Variants in PRKDC observed in about 807,000 individuals in gnomAD.
PRKDC encodes the protein DNA-dependent protein kinase catalytic subunit.
PRKDC carries 82 observed loss-of-function variants against 486.9 expected under a neutral mutation model. The ratio of observed to expected loss-of-function variants is 0.17; its 90% CI spans 0.14 to 0.20. PRKDC has a LOEUF of 0.20. Among genes scored for constraint, PRKDC ranks in the 10% least tolerant of loss-of-function variants. The pLI is 1.00. For synonymous variants in PRKDC, 1,895 were observed against 1,837.0 expected (o/e 1.03, Z -0.81); for missense variants, 4,504 against 5,038.2 (o/e 0.89, Z 3.21).
intron 40 of PRKDC, among the ~76,000 whole-genome samples, chr8:47,871,083 T>A (rs1477672582): frequency 2.0e-5 from 3 of 151,926 alleles, no homozygotes; most frequent in Non-Finnish European, 4.4e-5. Context: ...ACCTACAAGA[T>A]CTAGAAAAGA....
intron 38 of PRKDC, among the ~76,000 whole-genome samples, chr8:47,880,980 G>A (rs796834552): frequency 2.0e-5 from 3 of 151,772 alleles, no homozygotes; most frequent in African/African-American, 7.3e-5. Context: ...CCAAGAGGCG[G>A]AGGTTGCAGT....
Position 47,773,701 on chromosome 8 carries a change from T to C in PRKDC, c.*472A>G, listed in dbSNP as rs954627860. 7.5e-5 allele frequency: 17 copies of C among 226,120 alleles called. No homozygotes were observed. Among genetic ancestry groups the C allele is most frequent in the African/African-American group, 3.6e-4 (16 of 44,976 alleles). 14.0% of individuals were successfully genotyped at this position (226,120 alleles called of 1,614,324 possible). A position where few individuals can be genotyped will look rare whatever the true frequency, so the allele number is the denominator to read the frequency against. On this transcript the variant is annotated 3_prime_UTR_variant, in exon 86 of 86. Coordinates refer to ENST00000314191, the MANE Select transcript of PRKDC (RefSeq NM_006904.7). The stretch of plus-strand genomic sequence containing the variant: ...CTTTACCTATTGTTCTTATTGTTCC[T>C]ATGCTGCTTCTACAATGTTACATCA...
At chr8:47,954,790 G>A (rs2090675914) in intron 4 of PRKDC, among the ~76,000 whole-genome samples, 2 of 152,132 alleles carry the variant, frequency 1.3e-5, no homozygotes, top group South Asian at 4.1e-4. Flanking sequence ...AGAAACAAAG[G>A]AATTCTAAAA....
Position 47,841,587 on chromosome 8 carries a change from C to T in PRKDC, c.7281-1398G>A, listed in dbSNP as rs191439199. Among the ~76,000 whole-genome samples the T allele has an allele frequency of 6.2e-4, 95 of 152,318 alleles. No individual in the cohort carries two copies. In the Middle Eastern group the frequency reaches 0.01, roughly 16 times the overall value. ...AGCTGTGGGCCTGGTCTCAGCCCCC[C>T]AGGGTCTAAGCACATCGTTCAGGAA... is the stretch of plus-strand genomic sequence containing the variant. On this transcript the variant is annotated intron_variant, in intron 54 of 85. Transcript: ENST00000314191.
At chr8:47,915,858 C>T (rs749319847) in intron 22 of PRKDC, among the ~76,000 whole-genome samples, 2 of 152,214 alleles carry the variant, frequency 1.3e-5, no homozygotes, top group African/African-American at 2.4e-5. Flanking sequence ...TTTTAGCTAA[C>T]TGTAGTTATT....
At chr8:47,881,103 C>CAAGA (rs201067369) in intron 38 of PRKDC, among the ~76,000 whole-genome samples, 5 of 148,396 alleles carry the variant, frequency 3.4e-5, no homozygotes, top group South Asian at 4.3e-4. Context: ...AGCAAGCAAG[C>CAAGA]AAGAAAGAAA....
At chr8:47,913,402 ATTT>A (rs966026284) in intron 24 of PRKDC, among the ~76,000 whole-genome samples, 1 of 147,460 alleles carries the variant, frequency 6.8e-6, no homozygotes, top group Non-Finnish European at 1.5e-5. Flanking sequence ...TTGAAAGGCA[ATTT>A]TTTTTTTTTG....
chr8:47,948,897 A>G (rs545105781), intron 7 of PRKDC, among the ~76,000 whole-genome samples: 1 of 152,372 alleles, frequency 6.6e-6, no homozygotes, highest in African/African-American at 2.4e-5. Context: ...TGTTAGCTAT[A>G]TTAGTTTCCT....
intron 30 of PRKDC, among the ~76,000 whole-genome samples, chr8:47,893,607 G>C (rs1467256492): frequency 2.0e-5 from 3 of 152,168 alleles, no homozygotes; most frequent in Admixed American, 6.5e-5. Flanking sequence ...ATTTGGAGTA[G>C]CTGCATACTA....
Position 47,777,932 on chromosome 8 carries a change from AG to A in PRKDC, c.11854-59del, listed in dbSNP as rs1311837617. On this transcript the variant is annotated intron_variant, in intron 83 of 85. Coordinates refer to ENST00000314191, the MANE Select transcript of PRKDC (RefSeq NM_006904.7). Reference sequence around the variant, plus strand: ...GTAAGCCAGAACTCTCAAAGTACCGAGCACAAATGGCAGCATCCTCACATAG... The same window carrying A: ...GTAAGCCAGAACTCTCAAAGTACCGACACAAATGGCAGCATCCTCACATAG... 5.0e-5 allele frequency: 75 copies of A among 1,497,542 alleles called. No homozygotes were observed. The African/African-American group carries it at 9.8e-4, about 20-fold the overall frequency. The allele number at this position is 1,497,542 out of a possible 1,614,324, so 92.8% of individuals were successfully genotyped here. A position where few individuals can be genotyped will look rare whatever the true frequency, so the allele number is the denominator to read the frequency against.
At chr8:47,856,901 G>A (rs1408583511) in intron 49 of PRKDC, among the ~76,000 whole-genome samples, 1 of 152,142 alleles carries the variant, frequency 6.6e-6, no homozygotes, top group Non-Finnish European at 1.5e-5. Flanking sequence ...GCAAGTAAAG[G>A]CAGCAAACAA....
chr8:47,837,409 G>A lies in PRKDC; in HGVS notation c.7564C>T (p.Arg2522Ter). ...DENPGLQLII[R>*]NFWSHETRLP... ...CTAGTTTCATGGCTCCAGAAATTTCGAATAATTAATCTGAAAAGCAAAGAG... is the reference window on the plus strand; with the variant it reads ...CTAGTTTCATGGCTCCAGAAATTTCAAATAATTAATCTGAAAAGCAAAGAG... Residue 2522 changes from arginine to a stop codon, truncating the protein, a stop_gained, in exon 57 of 86, where the codon CGA becomes TGA. Transcript: ENST00000314191. LOFTEE classifies it high-confidence loss of function. The A allele has an allele frequency of 6.2e-7, 1 of 1,604,628 alleles. No individual in the cohort carries two copies. The highest frequency in any genetic ancestry group is 8.5e-7 in the Non-Finnish European group (1 of 1,171,960).
rs575059334 is a variant in PRKDC, at chr8:47,902,216, A to G, written c.3269+353T>C. On this transcript the variant is annotated intron_variant, in intron 27 of 85. Coordinates refer to ENST00000314191, the MANE Select transcript of PRKDC (RefSeq NM_006904.7). ...ATCTAAAATGCCTTGGCTGACTTCCATTTATCCTTCAAGTCTCATCTCCAA... is the reference window on the plus strand; with the variant it reads ...ATCTAAAATGCCTTGGCTGACTTCCGTTTATCCTTCAAGTCTCATCTCCAA... Among the ~76,000 whole-genome samples the G allele has an allele frequency of 3.9e-5, 6 of 152,168 alleles. No homozygotes were observed. The South Asian group carries it at 8.3e-4, about 21-fold the overall frequency.
In PRKDC at chr8:47,858,515, C is replaced by A; in HGVS notation, c.6465+1G>T. 1 of 1,483,068 alleles carries A rather than the reference C, an allele frequency of 6.7e-7. No individual in the cohort carries two copies. Among genetic ancestry groups the A allele is most frequent in the Non-Finnish European group, 9.1e-7 (1 of 1,097,770 alleles). The allele number at this position is 1,483,068 out of a possible 1,614,324, so 91.9% of individuals were successfully genotyped here. On this transcript the variant is annotated splice_donor_variant, in intron 48 of 85. Transcript: ENST00000314191. LOFTEE classifies it high-confidence loss of function. Reference sequence around the variant, plus strand: ...GAATAAAGAAATAATCAATTACTTACCTCTTCTGTATTAATAACAAGCTTG... The same window carrying A: ...GAATAAAGAAATAATCAATTACTTAACTCTTCTGTATTAATAACAAGCTTG...
rs1423434729 is a variant in PRKDC at position 47,834,108 on chromosome 8, T to C, written c.8152+88A>G. On this transcript the variant is annotated intron_variant, in intron 59 of 85. Coordinates refer to ENST00000314191, the MANE Select transcript of PRKDC (RefSeq NM_006904.7). ...CTTGATTACGAATGAGAAGGAAACATGGATACAGTCAGAAATGTCCCCAGA... is the reference window on the plus strand; with the variant it reads ...CTTGATTACGAATGAGAAGGAAACACGGATACAGTCAGAAATGTCCCCAGA... 6 of 1,497,448 alleles carry C rather than the reference T, an allele frequency of 4.0e-6. No individual in the cohort carries two copies. The African/African-American group carries it at 4.2e-5, about 10-fold the overall frequency. The allele number at this position is 1,497,448 out of a possible 1,614,324, so 92.8% of individuals were successfully genotyped here.
chr8:47,921,715 A>G (rs2154503167), intron 21 of PRKDC, among the ~76,000 whole-genome samples: 1 of 152,290 alleles, frequency 6.6e-6, no homozygotes, highest in South Asian at 2.1e-4. Flanking sequence ...TGAGTTTAGT[A>G]ATTATATAAT....
chr8:47,865,059 C>T (rs2088775553), intron 40 of PRKDC, among the ~76,000 whole-genome samples: 1 of 152,212 alleles, frequency 6.6e-6, no homozygotes, highest in African/African-American at 2.4e-5. Flanking sequence ...AGAAGAATCT[C>T]AAGCCTAAAA....
In PRKDC at chr8:47,936,432, G is replaced by C. The variant is rs201070491; in HGVS notation, c.1199C>G (p.Thr400Arg). 92 of 1,614,034 alleles carry C rather than the reference G, an allele frequency of 5.7e-5. No homozygotes were observed. In the Admixed American group the frequency reaches 7.0e-4, roughly 12 times the overall value. ...ATAAACACGGTCGTCACCAGTGTCT[G>C]TCTGGGTGAGGAACATCTGCTTGCA... ...QRCKQMFLTQTDTGDDRVYQM... is the reference protein window; with the variant it reads ...QRCKQMFLTQRDTGDDRVYQM... The change falls in exon 12 of 86, where the codon ACA (threonine) becomes AGA (arginine). Residue 400 changes from threonine (T) to arginine (R), a missense_variant. Thr to Arg is a moderately conservative substitution (Grantham distance 71). Around this residue, in one of 6 missense-constraint regions of PRKDC, gnomAD observed 1,969 missense variants for 2,068.9 expected, o/e 0.95. Coordinates refer to ENST00000314191, the MANE Select transcript of PRKDC (RefSeq NM_006904.7).
intron 21 of PRKDC, among the ~76,000 whole-genome samples, chr8:47,921,211 C>T (rs970418890): frequency 3.3e-5 from 5 of 151,592 alleles, no homozygotes; most frequent in Non-Finnish European, 7.4e-5. Flanking sequence ...GCCAAGATCA[C>T]GCCACTGCGC....
Sources: gnomAD v4.1 joint callset for allele counts (sites outside exome capture counted in the v4.1 genomes callset) on GRCh38, gnomAD v4.1.1 for gene constraint, gnomAD v4.1.1 regional missense constraint, MANE v1.5 for transcripts, NCBI Gene and HGNC (gene_info 2026-07-23, HGNC 2026-07-21) for gene names.